Variants in GALNT8 observed in about 807,000 individuals in gnomAD.
The protein encoded by GALNT8 is probable polypeptide N-acetylgalactosaminyltransferase 8.
GALNT8 carries 66 observed loss-of-function variants against 62.7 expected under a neutral mutation model. The observed-to-expected ratio is 1.05, with a 90% CI of 0.86 to 1.29. GALNT8 has a LOEUF of 1.29. Among genes scored for constraint, GALNT8 ranks in the 50% most tolerant of loss-of-function variants. The probability of loss-of-function intolerance (pLI) is 0.00; values close to 1 mark genes in which losing one functional copy is unlikely to be tolerated. For missense variants in GALNT8, 771 were observed against 791.8 expected, an observed-to-expected ratio of 0.97 and a Z score of 0.32; for synonymous variants, 288 against 294.3, an observed-to-expected ratio of 0.98 and a Z score of 0.22.
At chr12:4,736,147 T>A (rs1189315808) in intron 2 of GALNT8, among the ~76,000 whole-genome samples, 3 of 152,164 alleles carry the variant, frequency 2.0e-5, no homozygotes. Context: ...AGGCTGAACC[T>A]GCTCAGGAAC....
chr12:4,736,969 G>A (rs1040512894), intron 2 of GALNT8, among the ~76,000 whole-genome samples: 1 of 152,146 alleles, frequency 6.6e-6, no homozygotes, highest in Admixed American at 6.5e-5. Context: ...AGCATTAAAG[G>A]AAGGTTATAA....
chr12:4,726,484 G>C lies in GALNT8; in HGVS notation c.212-48G>C. 2 of 1,351,644 alleles carry C rather than the reference G, an allele frequency of 1.5e-6. No individual in the cohort carries two copies. Among genetic ancestry groups the C allele is most frequent in the Non-Finnish European group, 2.1e-6 (2 of 967,274 alleles). 83.7% of individuals were successfully genotyped at this position (1,351,644 alleles called of 1,614,324 possible). The stretch of plus-strand genomic sequence containing the variant: ...GGAAAGGAATACCCAGGTAACTAAG[G>C]AGGGGCTGAAATGTTTTCTCTCCCA... On this transcript the variant is annotated intron_variant, in intron 1 of 10. Transcript: ENST00000252318. The surrounding 1 kb of genome is among the most constrained non-coding windows in gnomAD (Gnocchi z 4.1).
intron 6 of GALNT8, among the ~76,000 whole-genome samples, chr12:4,755,173 G>C (rs1177263132): frequency 6.6e-6 from 1 of 152,148 alleles, no homozygotes; most frequent in Non-Finnish European, 1.5e-5. Context: ...TTCAGCACTA[G>C]GATTCCCCTA....
chr12:4,765,304 C>G, intron 9 of GALNT8, 75 bp from the exon 10 acceptor site: 1 of 1,358,310 alleles, frequency 7.4e-7, no homozygotes, highest in Non-Finnish European at 9.8e-7. Context: ...TGCTGTCCCT[C>G]GGGCTAGGGT....
rs1946431398 is a variant in GALNT8 at position 4,772,693 on chromosome 12, C to T, written c.*96C>T. 1 of 985,688 alleles carries T rather than the reference C, an allele frequency of 1.0e-6. No individual in the cohort carries two copies. Among genetic ancestry groups the T allele is most frequent in the Non-Finnish European group, 1.5e-6 (1 of 648,552 alleles). 61.1% of individuals were successfully genotyped at this position (985,688 alleles called of 1,614,324 possible). A position where few individuals can be genotyped will look rare whatever the true frequency, so the allele number is the denominator to read the frequency against. On this transcript the variant is annotated 3_prime_UTR_variant, in exon 11 of 11. Coordinates refer to ENST00000252318, the MANE Select transcript of GALNT8 (RefSeq NM_017417.2). ...GCTTCTTTCTCAATGAGAAAGAAAG[C>T]ATGTGTATGTCTGTTTATGGCGACT...
chr12:4,751,805 T>C (rs1274093202), intron 6 of GALNT8, among the ~76,000 whole-genome samples: 1 of 152,140 alleles, frequency 6.6e-6, no homozygotes, highest in African/African-American at 2.4e-5. Flanking sequence ...TGTTTCTTTG[T>C]TGATTTTCTG....
intron 6 of GALNT8, among the ~76,000 whole-genome samples, chr12:4,760,194 A>G (rs1024555682): frequency 6.6e-6 from 1 of 152,176 alleles, no homozygotes; most frequent in Non-Finnish European, 1.5e-5. Context: ...CCACTGGGGA[A>G]AGATCTGCTT....
chr12:4,761,190 A>C, intron 7 of GALNT8, 47 bp downstream of exon 7: 1 of 1,552,198 alleles, frequency 6.4e-7, no homozygotes, highest in Non-Finnish European at 8.9e-7. Flanking sequence ...AAAGAGGAGG[A>C]GGTGGCGGTT....
At chr12:4,750,287 T>C (rs1012022665) in intron 6 of GALNT8, among the ~76,000 whole-genome samples, 1 of 152,106 alleles carries the variant, frequency 6.6e-6, no homozygotes, top group Non-Finnish European at 1.5e-5. Context: ...ATCACCTAGG[T>C]ATTAAGCCTA....
At chr12:4,770,613 A>G (rs1739049434) in intron 10 of GALNT8, among the ~76,000 whole-genome samples, 1 of 152,180 alleles carries the variant, frequency 6.6e-6, no homozygotes, top group African/African-American at 2.4e-5. Flanking sequence ...TATAAAACAT[A>G]GTCTTATATG....
rs540537003 is a variant in GALNT8 at position 4,765,576 on chromosome 12, GTTTGTTTTGT to G, written c.1761+45_1761+54del. Reference sequence around the variant, plus strand: ...GTTATGTGTTTTTGTTTGTTGGTTTGTTTGTTTTGTTTTGTTTTGTTTTGAGACTGAGTCT... The same window carrying G: ...GTTATGTGTTTTTGTTTGTTGGTTTGTTTGTTTTGTTTTGAGACTGAGTCT... On this transcript the variant is annotated intron_variant, in intron 10 of 10. Coordinates refer to ENST00000252318, the MANE Select transcript of GALNT8 (RefSeq NM_017417.2). 1,125 of 1,554,672 alleles carry G rather than the reference GTTTGTTTTGT, an allele frequency of 7.2e-4. 8 individuals are homozygous for G. The African/African-American group carries it at 0.014, about 19-fold the overall frequency.
chr12:4,744,571 C>T lies in GALNT8; in HGVS notation c.731C>T (p.Pro244Leu). 1.9e-6 allele frequency: 3 copies of T among 1,612,448 alleles called. No homozygotes were observed. Among genetic ancestry groups the T allele is most frequent in the South Asian group, 2.2e-5 (2 of 91,002 alleles). ...EKIKLYNQKYPGLLKIIRHPE... is the reference protein window; with the variant it reads ...EKIKLYNQKYLGLLKIIRHPE... ...ATTAAGCTTTACAACCAGAAGTATC[C>T]AGGACTACTGAAAATAATACGGCAT... is the stretch of plus-strand genomic sequence containing the variant. The change falls in exon 4 of 11, where the codon CCA (proline) becomes CTA (leucine). Residue 244 changes from proline to leucine, a missense_variant. By Grantham distance (98) the Pro-to-Leu change is moderately conservative. Transcript: ENST00000252318.
At position 4,744,557 on chromosome 12, in the gene GALNT8, C is replaced by G. The variant is rs1946287379; in HGVS notation, c.717C>G (p.Tyr239Ter). The G allele has an allele frequency of 6.2e-7, 1 of 1,612,504 alleles. No individual in the cohort carries two copies. Residue 239 changes from tyrosine (Y) to a stop codon, truncating the protein, a stop_gained, in exon 4 of 11, where the codon TAC (tyrosine) becomes TAG (stop). Transcript: ENST00000252318. LOFTEE classifies it high-confidence loss of function. ...KVHLDEKIKL[Y>*]NQKYPGLLKI... ...ACTTGGATGAGAAGATTAAGCTTTA[C>G]AACCAGAAGTATCCAGGACTACTGA...
intron 6 of GALNT8, 114 bp from the exon 7 acceptor site, chr12:4,760,844 A>C (rs1363449701): frequency 1.3e-6 from 1 of 782,570 alleles, no homozygotes; most frequent in African/African-American, 1.7e-5. Flanking sequence ...CAGGAGTGGG[A>C]GGACTGAGCT....
intron 6 of GALNT8, among the ~76,000 whole-genome samples, chr12:4,752,826 G>A (rs1048211645): frequency 6.6e-6 from 1 of 152,150 alleles, no homozygotes; most frequent in African/African-American, 2.4e-5. Flanking sequence ...TCTGACTGAA[G>A]TACTCCCTTT....
intron 2 of GALNT8, among the ~76,000 whole-genome samples, chr12:4,731,162 T>G (rs1374849996): frequency 6.6e-6 from 1 of 152,200 alleles, no homozygotes; most frequent in Non-Finnish European, 1.5e-5. Context: ...TTATTTGTGT[T>G]TCTTTAATTT....
intron 2 of GALNT8, among the ~76,000 whole-genome samples, chr12:4,729,939 T>A (rs1400303122): frequency 6.6e-6 from 1 of 152,208 alleles, no homozygotes; most frequent in Non-Finnish European, 1.5e-5. Context: ...GAGATGATAG[T>A]GCAATGTGAG....
At chr12:4,764,508 A>G in intron 9 of GALNT8, among the ~76,000 whole-genome samples, 1 of 142,530 alleles carries the variant, frequency 7.0e-6, no homozygotes, top group African/African-American at 2.6e-5. Flanking sequence ...CCCTGGCACC[A>G]TGTGGAAGGT....
At chr12:4,745,767 A>G in intron 5 of GALNT8, 141 bp downstream of exon 5, 1 of 670,814 alleles carries the variant, frequency 1.5e-6, no homozygotes. Flanking sequence ...CAAGGGATAG[A>G]GGGAAAAAAC....
Sources: gnomAD v4.1 joint callset for allele counts (sites outside exome capture counted in the v4.1 genomes callset) on GRCh38, gnomAD v4.1.1 for gene constraint, Gnocchi (gnomAD v3.1) non-coding constraint, MANE v1.5 for transcripts, NCBI Gene and HGNC (gene_info 2026-07-23, HGNC 2026-07-21) for gene names.